OR3A2: variants seen among roughly 807,000 people sequenced by gnomAD.
The protein encoded by OR3A2 is olfactory receptor family 3 subfamily A member 2, also known as olfactory receptor 3A2.
For synonymous variants in OR3A2, 126 were observed against 159.3 expected, an observed-to-expected ratio of 0.79 and a Z score of 1.57; for missense variants, 318 against 392.8, an observed-to-expected ratio of 0.81 and a Z score of 1.61.
chr17:3,329,496 T>C (rs4790465), intron 3 of OR3A2, among the ~76,000 whole-genome samples: 61,277 of 117,596 alleles, frequency 0.52, 17,597 homozygotes, highest in African/African-American at 0.67. Context: ...AGTTTATTTG[T>C]GTAGAGGTGT....
intron 3 of OR3A2, among the ~76,000 whole-genome samples, chr17:3,300,825 A>G (rs1352171322): frequency 6.7e-6 from 1 of 150,008 alleles, no homozygotes; most frequent in Non-Finnish European, 1.5e-5. Context: ...ATATCTCCTA[A>G]TGCTGTCCCT....
chr17:3,325,889 A>T (rs552377278), intron 3 of OR3A2, among the ~76,000 whole-genome samples: 1 of 152,160 alleles, frequency 6.6e-6, no homozygotes, highest in African/African-American at 2.4e-5. Context: ...TCAACCCATC[A>T]CCTAGGTATT....
chr17:3,367,364 C>T (rs2049572904), intron 2 of OR3A2, among the ~76,000 whole-genome samples: 1 of 145,374 alleles, frequency 6.9e-6, no homozygotes, highest in South Asian at 2.4e-4. Context: ...TCATACCCCT[C>T]CCACCCTTCC....
chr17:3,341,330 C>T (rs1158607171), intron 2 of OR3A2, among the ~76,000 whole-genome samples: 4 of 152,084 alleles, frequency 2.6e-5, no homozygotes, highest in Non-Finnish European at 4.4e-5. Context: ...TGATTTTGCC[C>T]GTTAATTGAT....
chr17:3,276,114 AAG>A (rs1205886776), downstream of OR3A2, among the ~76,000 whole-genome samples: 3 of 151,026 alleles, frequency 2.0e-5, no homozygotes, highest in Non-Finnish European at 2.9e-5. Context: ...AAGAAAAAAA[AAG>A]AAAAAAAAAA....
At chr17:3,385,327 C>T (rs1423463823) in intron 1 of OR3A2, among the ~76,000 whole-genome samples, 2 of 152,086 alleles carry the variant, frequency 1.3e-5, no homozygotes, top group African/African-American at 2.4e-5. Flanking sequence ...GGCCTGGGTC[C>T]GAATTCTGCT....
intron 2 of OR3A2, among the ~76,000 whole-genome samples, chr17:3,373,540 T>C (rs1396854959): frequency 6.6e-6 from 1 of 152,252 alleles, no homozygotes; most frequent in African/African-American, 2.4e-5. Flanking sequence ...TTTATCATTA[T>C]ATAATGTCTC....
In OR3A2 at chr17:3,311,140, T is replaced by G. The variant is rs773955136; in HGVS notation, c.-85+24893A>C. 3.7e-6 allele frequency: 2 copies of G among 540,478 alleles called. No individual in the cohort carries two copies. Among genetic ancestry groups the G allele is most frequent in the Admixed American group, 1.9e-5 (1 of 51,862 alleles). 33.5% of individuals were successfully genotyped at this position (540,478 alleles called of 1,614,324 possible). A position where few individuals can be genotyped will look rare whatever the true frequency, so the allele number is the denominator to read the frequency against. ...GAGTCTTCGGACAAGGACAAGGGCA[T>G]TGGCATCCTCAACACTGTCATCAGC... On this transcript the variant is annotated intron_variant, in intron 3 of 4. Transcript: ENST00000573491. This position sits in a 1 kb window ranked among gnomAD's most constrained non-coding sequence, Gnocchi z 4.6.
At chr17:3,324,015 C>T (rs1395437699) in intron 3 of OR3A2, among the ~76,000 whole-genome samples, 2 of 152,122 alleles carry the variant, frequency 1.3e-5, no homozygotes, top group African/African-American at 4.8e-5. Context: ...TAGATTTGGT[C>T]TTTTCACGTA....
intron 2 of OR3A2, among the ~76,000 whole-genome samples, chr17:3,349,150 C>T (rs2049396835): frequency 6.6e-6 from 1 of 152,032 alleles, no homozygotes; most frequent in Non-Finnish European, 1.5e-5. Flanking sequence ...CAGCTAACAT[C>T]ATAATGACAA....
At chr17:3,316,657 G>C (rs2049084461) in intron 3 of OR3A2, among the ~76,000 whole-genome samples, 1 of 152,176 alleles carries the variant, frequency 6.6e-6, no homozygotes. Flanking sequence ...TTAGAAAATA[G>C]GAAGGCCAGC....
chr17:3,345,182 C>A (rs144373292), intron 2 of OR3A2, among the ~76,000 whole-genome samples: 20 of 152,220 alleles, frequency 1.3e-4, no homozygotes, highest in African/African-American at 4.1e-4. Context: ...GATGTCGGTA[C>A]AGGCAAATTA....
chr17:3,378,102 C>T (rs1157592027), intron 2 of OR3A2, among the ~76,000 whole-genome samples: 3 of 152,212 alleles, frequency 2.0e-5, no homozygotes, highest in Admixed American at 2.0e-4. Context: ...GGCTTCAGGC[C>T]ATCCCTGGCT....
intron 3 of OR3A2, among the ~76,000 whole-genome samples, chr17:3,326,444 T>A (rs756143667): frequency 6.6e-6 from 1 of 152,040 alleles, no homozygotes; most frequent in African/African-American, 2.4e-5. Context: ...AGGGACCGGC[T>A]GGAGCTGCAG....
intron 3 of OR3A2, among the ~76,000 whole-genome samples, chr17:3,295,694 C>T (rs765320777): frequency 6.6e-6 from 1 of 151,920 alleles, no homozygotes; most frequent in African/African-American, 2.4e-5. Flanking sequence ...CCAAAATATA[C>T]AGCCAAAACC....
chr17:3,337,336 A>G (rs988459884), intron 2 of OR3A2, among the ~76,000 whole-genome samples: 2 of 152,108 alleles, frequency 1.3e-5, no homozygotes, highest in South Asian at 2.1e-4. Flanking sequence ...CAGGTTTGTT[A>G]TATATGTATA....
chr17:3,364,845 T>C (rs1482414149), intron 2 of OR3A2, among the ~76,000 whole-genome samples: 1 of 151,948 alleles, frequency 6.6e-6, no homozygotes, highest in Non-Finnish European at 1.5e-5. Flanking sequence ...TCAACTAAAG[T>C]GCCCATCAGT....
At chr17:3,312,180 G>A (rs2049049675) in intron 3 of OR3A2, among the ~76,000 whole-genome samples, 1 of 152,066 alleles carries the variant, frequency 6.6e-6, no homozygotes, top group Non-Finnish European at 1.5e-5. Flanking sequence ...TATGATGTGG[G>A]TCAGGTAGCG....
chr17:3,366,544 T>C (rs1160242842), intron 2 of OR3A2, among the ~76,000 whole-genome samples: 1 of 152,150 alleles, frequency 6.6e-6, no homozygotes, highest in Non-Finnish European at 1.5e-5. Flanking sequence ...AAAGCTTCAC[T>C]GGGCAACAGC....
Sources: gnomAD v4.1 joint callset for allele counts (sites outside exome capture counted in the v4.1 genomes callset) on GRCh38, gnomAD v4.1.1 for gene constraint, Gnocchi (gnomAD v3.1) non-coding constraint, MANE v1.5 for transcripts, NCBI Gene and HGNC (gene_info 2026-07-23, HGNC 2026-07-21) for gene names.